SLIT3: variants seen among roughly 807,000 people sequenced by gnomAD.
The protein encoded by SLIT3 is slit guidance ligand 3, also known as slit homolog 3 protein.
Under a neutral mutation model 184.0 loss-of-function variants are expected in SLIT3, and 68 were observed. That is an observed-to-expected ratio of 0.37 (90% CI 0.30 to 0.45). The LOEUF (loss-of-function observed/expected upper bound fraction) is 0.45. Ranked by LOEUF, SLIT3 falls within the 20% of genes least tolerant of loss-of-function variation. The pLI, the probability that SLIT3 is intolerant of heterozygous loss-of-function variation, is 1.00. For missense variants in SLIT3, 1,707 were observed against 2,026.0 expected, an observed-to-expected ratio of 0.84 and a Z score of 3.02; for synonymous variants, 831 against 828.6, an observed-to-expected ratio of 1.00 and a Z score of -0.05.
At chr5:168,852,034 G>T (rs1416038559) in intron 5 of SLIT3, among the ~76,000 whole-genome samples, 5 of 152,192 alleles carry the variant, frequency 3.3e-5, no homozygotes, top group African/African-American at 1.2e-4. Context: ...GAATTTCTTT[G>T]TAAGAAGTAT....
chr5:168,671,087 G>A (rs1761223716), intron 34 of SLIT3, 111 bp downstream of exon 34: 5 of 1,210,918 alleles, frequency 4.1e-6, no homozygotes, highest in Admixed American at 2.0e-5. Context: ...TCCTATCTGC[G>A]GTCTGACTGC....
At chr5:168,828,846 C>T (rs748428840) in intron 6 of SLIT3, among the ~76,000 whole-genome samples, 19 of 152,074 alleles carry the variant, frequency 1.2e-4, no homozygotes, top group Non-Finnish European at 2.6e-4. Flanking sequence ...AACCATTGAA[C>T]TACGGAAAAA....
At chr5:169,159,536 G>A (rs1287457405) in intron 4 of SLIT3, among the ~76,000 whole-genome samples, 1 of 138,490 alleles carries the variant, frequency 7.2e-6, no homozygotes, top group Non-Finnish European at 1.7e-5. Flanking sequence ...AGCACTTTGG[G>A]AGGCTGAGGT....
intron 4 of SLIT3, among the ~76,000 whole-genome samples, chr5:169,157,949 G>A (rs903155108): frequency 1.4e-5 from 2 of 143,858 alleles, no homozygotes; most frequent in African/African-American, 5.1e-5. Context: ...GAACAACAGA[G>A]AGAAAACAGA....
intron 1 of SLIT3, among the ~76,000 whole-genome samples, chr5:169,280,485 C>T (rs1238306690): frequency 6.6e-6 from 1 of 152,204 alleles, no homozygotes; most frequent in Non-Finnish European, 1.5e-5. Context: ...ACCAGCTGGC[C>T]CCTCGGCTAT....
chr5:168,994,323 T>A (rs552163036), intron 4 of SLIT3: 1 of 152,266 alleles, frequency 6.6e-6, no homozygotes, highest in South Asian at 2.1e-4. Context: ...ATCAAAGGCA[T>A]CCTCTGGAAT....
At chr5:168,900,597 G>A (rs781528911) in intron 4 of SLIT3, among the ~76,000 whole-genome samples, 2 of 152,014 alleles carry the variant, frequency 1.3e-5, no homozygotes, top group Non-Finnish European at 2.9e-5. Flanking sequence ...CCTGGGAGAT[G>A]GGAGTGAAAC....
At chr5:168,991,280 C>A (rs553936590) in intron 4 of SLIT3, among the ~76,000 whole-genome samples, 90 of 152,272 alleles carry the variant, frequency 5.9e-4, no homozygotes, top group Admixed American at 1.6e-3. Context: ...TAGTTGTAAT[C>A]CCATTTTTGA....
chr5:169,053,869 C>T (rs1452152295), intron 4 of SLIT3, among the ~76,000 whole-genome samples: 1 of 152,108 alleles, frequency 6.6e-6, no homozygotes, highest in East Asian at 1.9e-4. Flanking sequence ...GGGCAGATCA[C>T]CTCAGGTCAG....
At chr5:169,172,113 G>A (rs775272019) in intron 4 of SLIT3, among the ~76,000 whole-genome samples, 1 of 152,172 alleles carries the variant, frequency 6.6e-6, no homozygotes, top group Non-Finnish European at 1.5e-5. Context: ...GTCCTGGAGA[G>A]GAAAATGGGT....
intron 3 of SLIT3, among the ~76,000 whole-genome samples, chr5:169,241,487 C>T (rs772434806): frequency 7.9e-5 from 12 of 152,054 alleles, no homozygotes; most frequent in Non-Finnish European, 1.5e-4. Context: ...ATTCCTATAC[C>T]CCATCGGCTG....
chr5:168,872,182 G>T (rs1223496329), intron 5 of SLIT3, among the ~76,000 whole-genome samples: 3 of 152,132 alleles, frequency 2.0e-5, no homozygotes, highest in African/African-American at 7.2e-5. Context: ...AATATAAGCT[G>T]TTGTGAAAAT....
chr5:168,953,740 G>A (rs1291215597), intron 4 of SLIT3, among the ~76,000 whole-genome samples: 1 of 152,314 alleles, frequency 6.6e-6, no homozygotes, highest in East Asian at 1.9e-4. Context: ...CTGGATGAAG[G>A]TAGGCGCTGA....
chr5:168,961,097 A>G (rs1762990508), intron 4 of SLIT3, among the ~76,000 whole-genome samples: 1 of 152,194 alleles, frequency 6.6e-6, no homozygotes, highest in Non-Finnish European at 1.5e-5. Context: ...CTTCATTCCC[A>G]GAAGGCATGG....
intron 4 of SLIT3, among the ~76,000 whole-genome samples, chr5:169,113,157 C>T (rs1337726639): frequency 1.3e-5 from 2 of 152,146 alleles, no homozygotes; most frequent in Admixed American, 6.5e-5. Flanking sequence ...CACTATCAGC[C>T]GTCCCTAGAA....
At chr5:168,711,344 T>C (rs1166276026) in intron 24 of SLIT3, among the ~76,000 whole-genome samples, 1 of 151,968 alleles carries the variant, frequency 6.6e-6, no homozygotes, top group Non-Finnish European at 1.5e-5. Flanking sequence ...CTAGCTCCTT[T>C]AGGGAGCTTC....
intron 1 of SLIT3, among the ~76,000 whole-genome samples, chr5:169,255,966 G>A (rs868226636): frequency 3.0e-4 from 45 of 152,180 alleles, no homozygotes; most frequent in African/African-American, 1.1e-3. Flanking sequence ...AGTGTACAGT[G>A]TTTGTCAAGT....
intron 4 of SLIT3, among the ~76,000 whole-genome samples, chr5:168,913,695 G>A (rs1248921922): frequency 1.4e-5 from 2 of 148,016 alleles, no homozygotes; most frequent in Non-Finnish European, 3.0e-5. Context: ...GAGCCCAGAT[G>A]GCACCATTGT....
At chr5:169,124,587 T>C (rs1224809017) in intron 4 of SLIT3, among the ~76,000 whole-genome samples, 3 of 152,200 alleles carry the variant, frequency 2.0e-5, no homozygotes, top group African/African-American at 7.2e-5. Flanking sequence ...GATGTAGATA[T>C]GGATATAGGT....
Sources: gnomAD v4.1 joint callset for allele counts (sites outside exome capture counted in the v4.1 genomes callset) on GRCh38, gnomAD v4.1.1 for gene constraint, MANE v1.5 for transcripts, NCBI Gene and HGNC (gene_info 2026-07-23, HGNC 2026-07-21) for gene names.